Variants in SPANXN4 observed in about 807,000 individuals in gnomAD.
SPANXN4 encodes the protein sperm protein associated with the nucleus on the X chromosome N4.
In SPANXN4, 5 loss-of-function variants were observed where a neutral mutation model predicts 6.0. That is an observed-to-expected ratio of 0.83 (90% CI 0.44 to 1.75). SPANXN4 has a LOEUF of 1.75. Ranked by LOEUF, SPANXN4 falls within the 40% of genes most tolerant of loss-of-function variation. The probability of loss-of-function intolerance (pLI) is 0.02; values close to 1 mark genes in which losing one functional copy is unlikely to be tolerated. For synonymous variants in SPANXN4, 45 were observed against 38.0 expected, an observed-to-expected ratio of 1.19 and a Z score of -0.68; for missense variants, 157 against 108.6, an observed-to-expected ratio of 1.45 and a Z score of -1.98.
At chrX:143,026,820 G>C (rs1932781615) in intron 1 of SPANXN4, among the ~76,000 whole-genome samples, 1 of 111,356 alleles carries the variant, frequency 9.0e-6, no homozygotes, top group Non-Finnish European at 1.9e-5. Flanking sequence ...GCCAATTGTA[G>C]TATTTGGAGG....
intron 1 of SPANXN4, among the ~76,000 whole-genome samples, chrX:143,031,264 C>T (rs1404229138): frequency 9.0e-6 from 1 of 110,727 alleles, no homozygotes; most frequent in African/African-American, 3.3e-5. Context: ...CATTGACTTT[C>T]ACGATAGAGA....
chrX:143,033,533 G>GTACT (rs1239161784), intron 1 of SPANXN4, among the ~76,000 whole-genome samples: 1 of 111,661 alleles, frequency 9.0e-6, no homozygotes, highest in African/African-American at 3.3e-5. Flanking sequence ...ACAGGCTGGG[G>GTACT]TACTTACAGG....
chrX:143,032,056 G>A (rs991229912), intron 1 of SPANXN4, among the ~76,000 whole-genome samples: 1 of 111,957 alleles, frequency 8.9e-6, no homozygotes, highest in Non-Finnish European at 1.9e-5. Context: ...GTTGGTGGAG[G>A]GTGTTTGCAT....
chrX:143,032,129 A>G (rs1026950641), intron 1 of SPANXN4, among the ~76,000 whole-genome samples: 1 of 111,904 alleles, frequency 8.9e-6, no homozygotes, highest in Non-Finnish European at 1.9e-5. Context: ...GGAGAGCATG[A>G]CATACGTGTC....
At chrX:143,038,470 C>T (rs139864109), downstream of SPANXN4, among the ~76,000 whole-genome samples, 144 of 111,850 alleles carry the variant, frequency 1.3e-3, no homozygotes, top group Non-Finnish European at 2.4e-3. Context: ...AAGTTTTAAT[C>T]CAACACCTCC....
At chrX:143,034,824 G>A, downstream of SPANXN4, 1 of 911,793 alleles carries the variant, frequency 1.1e-6, no homozygotes, top group Non-Finnish European at 1.4e-6. Flanking sequence ...TCTAGGTGGA[G>A]CAGTCACCTA....
chrX:143,029,919 C>T (rs1056437347), intron 1 of SPANXN4, among the ~76,000 whole-genome samples: 26 of 111,498 alleles, frequency 2.3e-4, no homozygotes, highest in Non-Finnish European at 4.5e-4. Context: ...AGGTATGCAA[C>T]GGCTTCTGGG....
intron 1 of SPANXN4, among the ~76,000 whole-genome samples, chrX:143,031,112 C>G (rs966782322): frequency 9.1e-6 from 1 of 110,427 alleles, no homozygotes; most frequent in Non-Finnish European, 1.9e-5. Context: ...AGCCGCATTG[C>G]ATGGAGTTCT....
chrX:143,030,470 A>T (rs1932803603), intron 1 of SPANXN4, among the ~76,000 whole-genome samples: 1 of 109,698 alleles, frequency 9.1e-6, no homozygotes, highest in Non-Finnish European at 1.9e-5. Context: ...AATGAAGGGG[A>T]AGTTCAGCTA....
chrX:143,026,876 G>C (rs1441422300), intron 1 of SPANXN4, among the ~76,000 whole-genome samples: 1 of 112,119 alleles, frequency 8.9e-6, no homozygotes, highest in African/African-American at 3.2e-5. Flanking sequence ...CTATCCCAGT[G>C]CTGAGTGCAG....
At chrX:143,030,467 G>A (rs753306950) in intron 1 of SPANXN4, among the ~76,000 whole-genome samples, 1 of 110,268 alleles carries the variant, frequency 9.1e-6, no homozygotes, top group Non-Finnish European at 1.9e-5. Context: ...TAAAATGAAG[G>A]GGAAGTTCAG....
At chrX:143,032,486 G>T (rs924559106) in intron 1 of SPANXN4, among the ~76,000 whole-genome samples, 3 of 109,946 alleles carry the variant, frequency 2.7e-5, no homozygotes, top group African/African-American at 1.0e-4. Context: ...TGAGATAGGG[G>T]TTTTTTTAAC....
intron 1 of SPANXN4, among the ~76,000 whole-genome samples, chrX:143,033,375 T>G (rs769214205): frequency 9.0e-6 from 1 of 111,489 alleles, no homozygotes; most frequent in African/African-American, 3.3e-5. Context: ...ATCCCCATCC[T>G]GGGTTTTGGC....
downstream of SPANXN4, among the ~76,000 whole-genome samples, chrX:143,035,376 C>G (rs188741654): frequency 3.6e-5 from 4 of 110,190 alleles, no homozygotes; most frequent in Admixed American, 3.9e-4. Flanking sequence ...ATGTATATAT[C>G]CATTGTCAAT....
chrX:143,032,878 G>A (rs759701974), intron 1 of SPANXN4, among the ~76,000 whole-genome samples: 38 of 110,825 alleles, frequency 3.4e-4, no homozygotes, highest in African/African-American at 1.1e-3. Context: ...TTCCTCCCAG[G>A]AGAATGGACG....
chrX:143,034,596 G>C, exon 3 of SPANXN4: 2 of 1,165,672 alleles, frequency 1.7e-6, no homozygotes, highest in Non-Finnish European at 2.3e-6. Context: ...GTAGGTGACA[G>C]TGACACTCTT....
intron 2 of SPANXN4, 42 bp downstream of exon 2, chrX:143,034,353 G>T (rs773396308): frequency 6.8e-6 from 7 of 1,023,731 alleles, no homozygotes; most frequent in Non-Finnish European, 7.8e-6. Context: ...TGGTGGGGAG[G>T]AAGGGAAGGG....
intron 1 of SPANXN4, among the ~76,000 whole-genome samples, chrX:143,027,138 T>C (rs1208932412): frequency 1.8e-5 from 2 of 112,039 alleles, no homozygotes; most frequent in African/African-American, 6.5e-5. Flanking sequence ...TGGTGGCAAG[T>C]CATGAGAAGA....
intron 1 of SPANXN4, among the ~76,000 whole-genome samples, chrX:143,028,420 G>C (rs184732436): frequency 9.0e-6 from 1 of 111,034 alleles, no homozygotes; most frequent in East Asian, 2.9e-4. Context: ...AGCCTGGGCC[G>C]TTTTAACCTC....
Sources: gnomAD v4.1 joint callset for allele counts (sites outside exome capture counted in the v4.1 genomes callset) on GRCh38, gnomAD v4.1.1 for gene constraint, MANE v1.5 for transcripts, NCBI Gene and HGNC (gene_info 2026-07-23, HGNC 2026-07-21) for gene names.